Variants in AMPH observed in about 807,000 individuals in gnomAD.
AMPH encodes amphiphysin (Stiff-Mann syndrome with breast cancer 128kD autoantigen).
A neutral mutation model predicts 99.1 loss-of-function variants in AMPH; 49 were observed. The ratio of observed to expected loss-of-function variants is 0.49; its 90% confidence interval spans 0.39 to 0.63. The LOEUF is 0.63. Ranked by LOEUF, AMPH falls within the 20% of genes least tolerant of loss-of-function variation. AMPH has a pLI of 0.00. For missense variants in AMPH, 759 were observed against 863.4 expected, an observed-to-expected ratio of 0.88 and a Z score of 1.52; for synonymous variants, 314 against 317.3, an observed-to-expected ratio of 0.99 and a Z score of 0.11.
chr7:38,563,046 A>G (rs1246761113), intron 1 of AMPH, among the ~76,000 whole-genome samples: 1 of 152,224 alleles, frequency 6.6e-6, no homozygotes, highest in African/African-American at 2.4e-5. Context: ...TCCTATTTGA[A>G]TTAAAATGTG....
chr7:38,415,883 T>C (rs1011283655), intron 17 of AMPH, among the ~76,000 whole-genome samples: 3 of 151,972 alleles, frequency 2.0e-5, no homozygotes, highest in Non-Finnish European at 4.4e-5. Context: ...TTCATTAGAC[T>C]GTAAATTGCC....
At chr7:38,607,017 G>A (rs775134451) in intron 1 of AMPH, among the ~76,000 whole-genome samples, 7 of 152,098 alleles carry the variant, frequency 4.6e-5, no homozygotes, top group South Asian at 2.1e-4. Context: ...ATTCAAGTCC[G>A]AGTTTTTGTT....
intron 7 of AMPH, 111 bp from the exon 8 acceptor site, chr7:38,466,359 T>C (rs1447785180): frequency 7.4e-6 from 6 of 811,554 alleles, no homozygotes; most frequent in South Asian, 1.6e-5. Context: ...TTACACCATT[T>C]TGAATAACTT....
chr7:38,429,987 C>A, intron 13 of AMPH, 122 bp from the exon 14 acceptor site: 1 of 898,748 alleles, frequency 1.1e-6, no homozygotes, highest in Non-Finnish European at 1.6e-6. Flanking sequence ...GGTTTAGGAA[C>A]AAATTTTACA....
chr7:38,617,984 T>A (rs1432300302), intron 1 of AMPH, among the ~76,000 whole-genome samples: 1 of 152,216 alleles, frequency 6.6e-6, no homozygotes, highest in African/African-American at 2.4e-5. Flanking sequence ...TATATTACTT[T>A]ACTTTATGTT....
chr7:38,468,539 A>C (rs1787754490), intron 7 of AMPH, among the ~76,000 whole-genome samples: 1 of 152,140 alleles, frequency 6.6e-6, no homozygotes, highest in South Asian at 2.1e-4. Context: ...AGAATAACTA[A>C]ACATCTATTT....
At chr7:38,543,095 CAA>C (rs34264805) in intron 1 of AMPH, among the ~76,000 whole-genome samples, 3 of 139,390 alleles carry the variant, frequency 2.2e-5, no homozygotes, top group Non-Finnish European at 4.6e-5. Context: ...CCCTGTCCCA[CAA>C]AAAAAAAAAA....
At chr7:38,585,508 C>T (rs1792612976) in intron 1 of AMPH, among the ~76,000 whole-genome samples, 1 of 152,176 alleles carries the variant, frequency 6.6e-6, no homozygotes, top group Non-Finnish European at 1.5e-5. Context: ...TCTGTAGTAC[C>T]AGGTCCTGAC....
intron 1 of AMPH, among the ~76,000 whole-genome samples, chr7:38,573,920 C>G (rs1202662199): frequency 1.3e-5 from 2 of 152,164 alleles, no homozygotes; most frequent in Non-Finnish European, 2.9e-5. Flanking sequence ...TTATCATCCC[C>G]ATTTTACAGA....
intron 19 of AMPH, among the ~76,000 whole-genome samples, chr7:38,391,328 C>A (rs1784486839): frequency 6.6e-6 from 1 of 152,138 alleles, no homozygotes; most frequent in Admixed American, 6.5e-5. Flanking sequence ...GGGCTCCCTA[C>A]TCTGTGTCAT....
At chr7:38,549,327 A>G (rs374539694) in intron 1 of AMPH, among the ~76,000 whole-genome samples, 1 of 152,246 alleles carries the variant, frequency 6.6e-6, no homozygotes, top group Non-Finnish European at 1.5e-5. Flanking sequence ...TCATAGGTAC[A>G]TAAGAGACAA....
intron 3 of AMPH, among the ~76,000 whole-genome samples, chr7:38,497,676 CT>C (rs1345704951): frequency 6.6e-6 from 1 of 152,232 alleles, no homozygotes; most frequent in Non-Finnish European, 1.5e-5. Flanking sequence ...GTCTAAAATA[CT>C]GCAAGTATCT....
chr7:38,492,661 T>C (rs892105207), intron 4 of AMPH, among the ~76,000 whole-genome samples: 1 of 152,160 alleles, frequency 6.6e-6, no homozygotes, highest in African/African-American at 2.4e-5. Context: ...AGTTTCTTCA[T>C]CATCACAAGA....
In AMPH at chr7:38,384,849, A is replaced by T. The variant is rs746035552; in HGVS notation, c.2057T>A (p.Phe686Tyr). The T allele has an allele frequency of 6.2e-7, 1 of 1,614,056 alleles. No individual in the cohort carries two copies. Among genetic ancestry groups the T allele is most frequent in the Non-Finnish European group, 8.5e-7 (1 of 1,179,958 alleles). The stretch of plus-strand genomic sequence containing the variant: ...TAAGCGTCGGGTGAAGTTCTCTGGA[A>T]AGAGGCCTTTGTAGGTGGCAAGGTC... Reference protein sequence around the residue: ...YRDLATYKGLFPENFTRRLD With the variant: ...YRDLATYKGLYPENFTRRLD Residue 686 changes from phenylalanine to tyrosine, a missense_variant, in exon 21 of 21, where the codon TTT (phenylalanine) becomes TAT (tyrosine). Around this residue, in one of 2 missense-constraint regions of AMPH, gnomAD observed 554 missense variants for 575.6 expected, o/e 0.96. Coordinates refer to ENST00000356264, the MANE Select transcript of AMPH (RefSeq NM_001635.4).
At chr7:38,398,091 A>G (rs1784723544) in intron 17 of AMPH, among the ~76,000 whole-genome samples, 1 of 146,880 alleles carries the variant, frequency 6.8e-6, no homozygotes, top group African/African-American at 2.5e-5. Context: ...TATGGTGAAC[A>G]GTTTGGAGGT....
intron 17 of AMPH, among the ~76,000 whole-genome samples, chr7:38,402,927 T>G (rs527483387): frequency 6.6e-6 from 1 of 152,320 alleles, no homozygotes; most frequent in Admixed American, 6.5e-5. Flanking sequence ...CAAAAAAAAC[T>G]AGTAATAGTG....
chr7:38,492,135 A>G (rs80133027), intron 4 of AMPH, among the ~76,000 whole-genome samples: 12,913 of 152,248 alleles, frequency 0.085, 772 homozygotes, highest in Middle Eastern at 0.17. Context: ...TGAACCTCCC[A>G]TTTTAGCTCG....
At chr7:38,624,493 C>G (rs971278139) in intron 1 of AMPH, among the ~76,000 whole-genome samples, 1 of 150,822 alleles carries the variant, frequency 6.6e-6, no homozygotes, top group Non-Finnish European at 1.5e-5. Context: ...CCTCCCGGTT[C>G]AAGCGATTCT....
chr7:38,446,660 C>T (rs972881571), intron 11 of AMPH, among the ~76,000 whole-genome samples: 4 of 152,066 alleles, frequency 2.6e-5, no homozygotes, highest in South Asian at 4.1e-4. Context: ...GCTCAGAAAA[C>T]TTCTAAACTT....
Sources: gnomAD v4.1 joint callset for allele counts (sites outside exome capture counted in the v4.1 genomes callset) on GRCh38, gnomAD v4.1.1 for gene constraint, gnomAD v4.1.1 regional missense constraint, MANE v1.5 for transcripts, NCBI Gene and HGNC (gene_info 2026-07-23, HGNC 2026-07-21) for gene names.